Variants in RSRC1 observed in about 807,000 individuals in gnomAD.
RSRC1 encodes the protein serine/Arginine-related protein 53.
In RSRC1, 39 loss-of-function variants were observed where a neutral mutation model predicts 49.1. The ratio of observed to expected loss-of-function variants is 0.79; its 90% CI spans 0.61 to 1.04. The LOEUF is 1.04. RSRC1 is among the 50% of genes least tolerant of loss of function. The pLI is 0.00. For missense variants in RSRC1, 388 were observed against 402.4 expected, an observed-to-expected ratio of 0.96 and a Z score of 0.31; for synonymous variants, 143 against 130.8, an observed-to-expected ratio of 1.09 and a Z score of -0.63.
intron 3 of RSRC1, among the ~76,000 whole-genome samples, chr3:158,127,248 T>G (rs1715686899): frequency 6.6e-6 from 1 of 152,162 alleles, no homozygotes; most frequent in African/African-American, 2.4e-5. Context: ...TTCTTCTTCT[T>G]AACTCCACAG....
chr3:158,277,733 G>A (rs1725897302), intron 4 of RSRC1, among the ~76,000 whole-genome samples: 1 of 152,100 alleles, frequency 6.6e-6, no homozygotes, highest in Non-Finnish European at 1.5e-5. Context: ...TTGCATATAA[G>A]CACCATTTTG....
At chr3:158,278,345 A>G (rs1725934238) in intron 4 of RSRC1, among the ~76,000 whole-genome samples, 1 of 152,238 alleles carries the variant, frequency 6.6e-6, no homozygotes, top group Non-Finnish European at 1.5e-5. Context: ...TGTCCAACTA[A>G]GCCTCTTTCC....
At chr3:158,523,183 A>G (rs1450373246) in intron 7 of RSRC1, among the ~76,000 whole-genome samples, 2 of 152,096 alleles carry the variant, frequency 1.3e-5, no homozygotes, top group Non-Finnish European at 2.9e-5. Flanking sequence ...AAAGTCTCTT[A>G]TTAATCATTT....
At chr3:158,409,089 A>G (rs907425632) in intron 6 of RSRC1, among the ~76,000 whole-genome samples, 6 of 152,022 alleles carry the variant, frequency 3.9e-5, no homozygotes, top group African/African-American at 1.2e-4. Context: ...ATGAGAACAC[A>G]CAGACACGTA....
intron 4 of RSRC1, among the ~76,000 whole-genome samples, chr3:158,278,204 T>C (rs955113872): frequency 3.9e-5 from 6 of 152,242 alleles, no homozygotes; most frequent in Non-Finnish European, 7.3e-5. Flanking sequence ...AGGTTCACTG[T>C]TGACACTTCT....
At chr3:158,240,425 ATAATAT>A (rs1206410147) in intron 4 of RSRC1, among the ~76,000 whole-genome samples, 1 of 152,166 alleles carries the variant, frequency 6.6e-6, no homozygotes, top group Admixed American at 6.5e-5. Flanking sequence ...AATGGGGTAA[ATAATAT>A]TAATAGATTT....
At chr3:158,541,112 G>A (rs1025956387) in intron 8 of RSRC1, among the ~76,000 whole-genome samples, 1 of 152,072 alleles carries the variant, frequency 6.6e-6, no homozygotes, top group Non-Finnish European at 1.5e-5. Context: ...CTATACACCA[G>A]CCCCTCTGGC....
At chr3:158,440,529 AT>A (rs1215427802) in intron 6 of RSRC1, among the ~76,000 whole-genome samples, 4 of 152,176 alleles carry the variant, frequency 2.6e-5, no homozygotes, top group Admixed American at 6.6e-5. Context: ...TGAAATTTAC[AT>A]TTTAATTAAG....
intron 4 of RSRC1, among the ~76,000 whole-genome samples, chr3:158,268,005 T>C (rs972940340): frequency 6.6e-6 from 1 of 152,142 alleles, no homozygotes; most frequent in African/African-American, 2.4e-5. Context: ...AGGTACTGTC[T>C]AATATTTCTG....
intron 6 of RSRC1, among the ~76,000 whole-genome samples, chr3:158,449,076 A>G (rs1036206809): frequency 3.3e-5 from 5 of 151,906 alleles, no homozygotes; most frequent in African/African-American, 9.7e-5. Flanking sequence ...ATTTTTCAAT[A>G]TCATCATTTA....
At chr3:158,142,906 T>C (rs1052964345) in intron 3 of RSRC1, among the ~76,000 whole-genome samples, 2 of 152,318 alleles carry the variant, frequency 1.3e-5, no homozygotes, top group South Asian at 4.1e-4. Context: ...GATCAAGTCT[T>C]ACTAATTTTG....
Position 158,118,462 on chromosome 3 carries a change from T to TGTGTGCGCGC in RSRC1, c.-2-3640_-2-3639insTGTGCGCGCG, listed in dbSNP as rs1491469875. 4.0e-3 allele frequency among the ~76,000 whole-genome samples: 495 copies of TGTGTGCGCGC among 124,694 alleles called. 7 individuals are homozygous for TGTGTGCGCGC. Among genetic ancestry groups the TGTGTGCGCGC allele is most frequent in the East Asian group, 0.015 (56 of 3,778 alleles). The allele number at this position is 124,694 out of a possible 152,430, so 81.8% of individuals were successfully genotyped here. A position where few individuals can be genotyped will look rare whatever the true frequency, so the allele number is the denominator to read the frequency against. ...GTGTGTGTGTGTGTGTGTGTGTGTGTGCGCGTGCGCGTGGTTTTTTTAAAT... is the reference window on the plus strand; with the variant it reads ...GTGTGTGTGTGTGTGTGTGTGTGTGTGTGTGCGCGCGCGCGTGCGCGTGGTTTTTTTAAAT... On this transcript the variant is annotated intron_variant, in intron 1 of 9. Coordinates refer to ENST00000611884, the MANE Select transcript of RSRC1 (RefSeq NM_001271838.2).
chr3:158,312,733 C>A (rs566337748), intron 5 of RSRC1, among the ~76,000 whole-genome samples: 6 of 152,262 alleles, frequency 3.9e-5, no homozygotes, highest in African/African-American at 1.4e-4. Flanking sequence ...CTCCCACATA[C>A]ACTGAAATAC....
At position 158,341,075 on chromosome 3, in the gene RSRC1, A is replaced by G. The variant is rs144560942; in HGVS notation, c.532-13782A>G. On this transcript the variant is annotated intron_variant, in intron 5 of 9. Coordinates refer to ENST00000611884, the MANE Select transcript of RSRC1 (RefSeq NM_001271838.2). ...TAAGCAGCAAAGCATTCAAGAGGTG[A>G]CTTGGGTATTGTTAAAGGCATTCAG... Among the ~76,000 whole-genome samples the G allele has an allele frequency of 6.3e-3, 960 of 152,286 alleles. 12 individuals are homozygous for G. Among genetic ancestry groups the G allele is most frequent in the African/African-American group, 0.02 (844 of 41,548 alleles).
At chr3:158,535,868 A>C (rs1712684747) in intron 7 of RSRC1, among the ~76,000 whole-genome samples, 1 of 151,466 alleles carries the variant, frequency 6.6e-6, no homozygotes, top group African/African-American at 2.4e-5. Context: ...TCAAACATTT[A>C]TTGGGACTTT....
At chr3:158,526,847 G>T (rs1003840174) in intron 7 of RSRC1, among the ~76,000 whole-genome samples, 1 of 151,824 alleles carries the variant, frequency 6.6e-6, no homozygotes, top group African/African-American at 2.4e-5. Context: ...CATCACAAAA[G>T]AACAGATCAC....
chr3:158,360,977 G>A (rs1328548538), intron 6 of RSRC1, among the ~76,000 whole-genome samples: 3 of 152,196 alleles, frequency 2.0e-5, no homozygotes, highest in Admixed American at 6.5e-5. Context: ...ACTGGGCCCA[G>A]GCTGGCAACC....
At chr3:158,287,693 A>G (rs900533124) in intron 4 of RSRC1, among the ~76,000 whole-genome samples, 1 of 152,210 alleles carries the variant, frequency 6.6e-6, no homozygotes, top group African/African-American at 2.4e-5. Context: ...AAAAAATTTA[A>G]GCTATATAAC....
In RSRC1 at chr3:158,442,120, T is replaced by G. The variant is rs149752653; in HGVS notation, c.584-18815T>G. Among the ~76,000 whole-genome samples, 161 of 152,280 alleles carry G rather than the reference T, an allele frequency of 1.1e-3. 1 individual carries two copies. Among genetic ancestry groups the G allele is most frequent in the Non-Finnish European group, 1.7e-3 (116 of 68,022 alleles). On this transcript the variant is annotated intron_variant, in intron 6 of 9. Coordinates refer to ENST00000611884, the MANE Select transcript of RSRC1 (RefSeq NM_001271838.2). ...GCTGACAAGTCATCTGAGCCTTTAGTGAGGAGGGTCTCACCTTGATGTTTA... is the reference window on the plus strand; with the variant it reads ...GCTGACAAGTCATCTGAGCCTTTAGGGAGGAGGGTCTCACCTTGATGTTTA...
Sources: allele counts gnomAD v4.1 joint callset (sites outside exome capture counted in the v4.1 genomes callset), GRCh38; gene constraint gnomAD v4.1.1; transcripts MANE v1.5; gene names NCBI Gene and HGNC (gene_info 2026-07-23, HGNC 2026-07-21).